The following SEL1L2 variants were observed in gnomAD, a reference collection of about 807,000 sequenced individuals.
SEL1L2 encodes the protein protein sel-1 homolog 2.
In SEL1L2, 89 loss-of-function variants were observed where a neutral mutation model predicts 98.8. The ratio of observed to expected loss-of-function variants is 0.90; its 90% confidence interval spans 0.76 to 1.07. The LOEUF is 1.07. Ranked by LOEUF, SEL1L2 falls within the 50% of genes least tolerant of loss-of-function variation. The probability of loss-of-function intolerance (pLI) is 0.00; values close to 1 mark genes in which losing one functional copy is unlikely to be tolerated. For missense variants in SEL1L2, 788 were observed against 812.0 expected (o/e 0.97, Z 0.36); for synonymous variants, 262 against 278.5 (o/e 0.94, Z 0.59).
chr20:13,932,393 A>C (rs2049182547), intron 2 of SEL1L2, among the ~76,000 whole-genome samples: 1 of 141,782 alleles, frequency 7.1e-6, no homozygotes, highest in South Asian at 2.3e-4. Context: ...AAACATTAAA[A>C]TTTTTCCTTT....
chr20:13,888,566 T>G, intron 5 of SEL1L2, 54 bp from the exon 6 acceptor site: 2 of 904,108 alleles, frequency 2.2e-6, no homozygotes, highest in Non-Finnish European at 3.5e-6. Context: ...TTCCTAATTA[T>G]CTATATGGAT....
intron 4 of SEL1L2, 143 bp from the exon 5 acceptor site, chr20:13,914,087 C>T: frequency 3.0e-6 from 2 of 656,710 alleles, no homozygotes; most frequent in South Asian, 2.3e-5. Context: ...ATCTCTAGAT[C>T]AGTAGATTTT....
chr20:13,888,615 T>C (rs893210152), intron 5 of SEL1L2, 103 bp from the exon 6 acceptor site: 6 of 545,370 alleles, frequency 1.1e-5, no homozygotes, highest in Admixed American at 4.0e-5. Flanking sequence ...ATAATTTGCA[T>C]TGTTAATTTC....
At chr20:13,891,164 AG>A (rs1402637982) in intron 5 of SEL1L2, among the ~76,000 whole-genome samples, 1 of 152,222 alleles carries the variant, frequency 6.6e-6, no homozygotes, top group East Asian at 1.9e-4. Flanking sequence ...AGAATATCAA[AG>A]GATTCCAAGT....
chr20:13,932,983 G>A (rs1487354343), intron 2 of SEL1L2, among the ~76,000 whole-genome samples: 3 of 151,950 alleles, frequency 2.0e-5, no homozygotes, highest in Non-Finnish European at 2.9e-5. Context: ...GGAGGCGTCC[G>A]GATTGCCTGA....
chr20:13,885,258 C>A, intron 10 of SEL1L2, 89 bp downstream of exon 10: 1 of 834,750 alleles, frequency 1.2e-6, no homozygotes, highest in South Asian at 1.4e-5. Context: ...ACTCTTCCAC[C>A]TCTCCCTCCC....
chr20:13,915,166 T>C (rs1448664939), intron 4 of SEL1L2: 1 of 1,289,568 alleles, frequency 7.8e-7, no homozygotes, highest in East Asian at 5.5e-5. Context: ...AAGCTGCTCT[T>C]GGGCAGAAGC....
At chr20:13,854,961 G>T (rs1174884414) in intron 18 of SEL1L2, among the ~76,000 whole-genome samples, 1 of 147,148 alleles carries the variant, frequency 6.8e-6, no homozygotes, top group Non-Finnish European at 1.5e-5. Context: ...TGTGGCAGGA[G>T]AATTGCTTGA....
At chr20:13,871,947 C>T (rs770145269) in intron 12 of SEL1L2, among the ~76,000 whole-genome samples, 2 of 152,114 alleles carry the variant, frequency 1.3e-5, no homozygotes, top group African/African-American at 4.8e-5. Context: ...TAGATGCAGC[C>T]GGAGTAACCC....
At chr20:13,901,033 T>C (rs994687783) in intron 5 of SEL1L2, among the ~76,000 whole-genome samples, 4 of 151,954 alleles carry the variant, frequency 2.6e-5, no homozygotes, top group Admixed American at 2.6e-4. Flanking sequence ...TTTGCTAGAG[T>C]TAATTTTTTT....
rs201833683 is a variant in SEL1L2, at chr20:13,876,056, A to G, written c.1086T>C (p.Phe362=). 507 of 1,612,928 alleles carry G rather than the reference A, an allele frequency of 3.1e-4. 1 individual carries two copies. Among genetic ancestry groups the G allele is most frequent in the Non-Finnish European group, 4.1e-4 (485 of 1,178,982 alleles). ...GACATACCTTACTGGCTGCCATGGAAAAGTACTTGAAGGCAGTAGCGTTAT... is the reference window on the plus strand; with the variant it reads ...GACATACCTTACTGGCTGCCATGGAGAAGTACTTGAAGGCAGTAGCGTTAT... ...PQNNATAFKY[F]SMAASKGNAI... Residue 362 remains phenylalanine, a synonymous_variant, in exon 12 of 20, where the codon TTT becomes TTC. Transcript: ENST00000284951.
intron 5 of SEL1L2, among the ~76,000 whole-genome samples, chr20:13,902,113 G>A (rs2047710971): frequency 6.6e-6 from 1 of 152,192 alleles, no homozygotes; most frequent in Admixed American, 6.5e-5. Context: ...AACTGACATG[G>A]CACACTAGTG....
chr20:13,982,536 C>T (rs987476580), intron 1 of SEL1L2, among the ~76,000 whole-genome samples: 1 of 144,760 alleles, frequency 6.9e-6, no homozygotes, highest in African/African-American at 2.5e-5. Flanking sequence ...AAAGTATATT[C>T]CGAGACAGTA....
At chr20:13,906,796 G>A (rs745864833) in intron 5 of SEL1L2, among the ~76,000 whole-genome samples, 3 of 151,922 alleles carry the variant, frequency 2.0e-5, no homozygotes, top group African/African-American at 4.8e-5. Context: ...CTCCTGCCTC[G>A]GCCTCCCAAG....
chr20:13,904,931 G>T (rs747864123), intron 5 of SEL1L2, among the ~76,000 whole-genome samples: 1 of 152,082 alleles, frequency 6.6e-6, no homozygotes, highest in Admixed American at 6.5e-5. Context: ...CCTTTTGTGC[G>T]GTGCCTGGCA....
intron 2 of SEL1L2, among the ~76,000 whole-genome samples, chr20:13,954,115 T>C (rs2050402118): frequency 6.6e-6 from 1 of 152,180 alleles, no homozygotes; most frequent in Non-Finnish European, 1.5e-5. Flanking sequence ...ACTTTTTTTT[T>C]TGGAAGTTGT....
intron 18 of SEL1L2, among the ~76,000 whole-genome samples, chr20:13,854,432 G>A (rs1172634397): frequency 2.0e-5 from 3 of 152,214 alleles, no homozygotes; most frequent in Non-Finnish European, 4.4e-5. Context: ...GGACCTGGCA[G>A]TGCTGATTCC....
intron 2 of SEL1L2, among the ~76,000 whole-genome samples, chr20:13,933,001 A>C (rs1600809084): frequency 6.6e-6 from 1 of 151,396 alleles, no homozygotes; most frequent in East Asian, 2.0e-4. Flanking sequence ...TGAGGTCAGG[A>C]GTTTGAGACC....
chr20:13,900,967 G>A (rs1357237867), intron 5 of SEL1L2, among the ~76,000 whole-genome samples: 3 of 151,814 alleles, frequency 2.0e-5, no homozygotes, highest in African/African-American at 4.8e-5. Flanking sequence ...CTTTGTTCTC[G>A]AATTCATTAT....
Sources: allele counts gnomAD v4.1 joint callset (sites outside exome capture counted in the v4.1 genomes callset), GRCh38; gene constraint gnomAD v4.1.1; transcripts MANE v1.5; gene names NCBI Gene and HGNC (gene_info 2026-07-23, HGNC 2026-07-21).